Variants in DCLK1 observed in about 807,000 individuals in gnomAD.
DCLK1 encodes serine/threonine-protein kinase DCLK1.
Under a neutral mutation model 86.2 loss-of-function variants are expected in DCLK1, and 16 were observed. The ratio of observed to expected loss-of-function variants is 0.19; its 90% confidence interval spans 0.13 to 0.28. The LOEUF is 0.28. DCLK1 is among the 10% of genes least tolerant of loss of function. The pLI is 1.00. For synonymous variants in DCLK1, 369 were observed against 370.5 expected, an observed-to-expected ratio of 1.00 and a Z score of 0.05; for missense variants, 590 against 940.2, an observed-to-expected ratio of 0.63 and a Z score of 4.87.
intron 6 of DCLK1, chr13:35,847,266 G>A (rs906187382): frequency 2.0e-6 from 2 of 985,134 alleles, no homozygotes; most frequent in Admixed American, 6.2e-5. Flanking sequence ...TGAGCAAACT[G>A]CTTTTTAATT....
At chr13:35,996,153 T>A (rs768945414) in intron 3 of DCLK1, among the ~76,000 whole-genome samples, 4 of 152,252 alleles carry the variant, frequency 2.6e-5, no homozygotes, top group African/African-American at 4.8e-5. Context: ...GGTTGCAAAC[T>A]CCTGACCTCA....
intron 1 of DCLK1, among the ~76,000 whole-genome samples, chr13:36,129,408 T>C (rs1233520155): frequency 6.6e-6 from 1 of 152,240 alleles, no homozygotes; most frequent in East Asian, 1.9e-4. Flanking sequence ...GCTACACCTT[T>C]TACTTCCCTT....
chr13:36,057,080 A>G (rs1883362898), intron 3 of DCLK1, among the ~76,000 whole-genome samples: 1 of 152,078 alleles, frequency 6.6e-6, no homozygotes, highest in South Asian at 2.1e-4. Flanking sequence ...ACACACATAC[A>G]TATGAAATAT....
chr13:35,942,557 T>A (rs1441759072), intron 4 of DCLK1, among the ~76,000 whole-genome samples: 1 of 152,226 alleles, frequency 6.6e-6, no homozygotes, highest in Non-Finnish European at 1.5e-5. Context: ...ACCTGTTCAC[T>A]CTCAGCAAAC....
intron 4 of DCLK1, among the ~76,000 whole-genome samples, chr13:35,946,434 T>C (rs1877384555): frequency 6.6e-6 from 1 of 152,248 alleles, no homozygotes; most frequent in Non-Finnish European, 1.5e-5. Flanking sequence ...CACTCCTGTG[T>C]AGAACAGGTG....
intron 3 of DCLK1, among the ~76,000 whole-genome samples, chr13:36,073,946 C>A (rs1415571871): frequency 6.6e-6 from 1 of 152,178 alleles, no homozygotes; most frequent in East Asian, 1.9e-4. Flanking sequence ...TCTATAAGAA[C>A]TATAATATCT....
At chr13:35,944,946 G>A (rs1255259555) in intron 4 of DCLK1, among the ~76,000 whole-genome samples, 6 of 152,166 alleles carry the variant, frequency 3.9e-5, no homozygotes, top group Non-Finnish European at 5.9e-5. Context: ...TTGTTACCCA[G>A]GCTGGAGTGC....
At chr13:35,832,980 G>C (rs775085093) in intron 8 of DCLK1, among the ~76,000 whole-genome samples, 5 of 152,210 alleles carry the variant, frequency 3.3e-5, no homozygotes, top group Non-Finnish European at 7.3e-5. Flanking sequence ...TCGCTTTGTT[G>C]AGGTTATTGA....
At position 35,921,328 on chromosome 13, in the gene DCLK1, C is replaced by A. The variant is rs76209988; in HGVS notation, c.823+26030G>T. ...AGTGTGTGTTCCCTGTACCTGAAAG[C>A]ATTCTTCTCTCATCCCACCTGCCCG... is the stretch of plus-strand genomic sequence containing the variant. On this transcript the variant is annotated intron_variant, in intron 4 of 16. Coordinates refer to ENST00000360631, the MANE Select transcript of DCLK1 (RefSeq NM_001330071.2). 2.8e-3 allele frequency among the ~76,000 whole-genome samples: 431 copies of A among 152,248 alleles called. 2 individuals carry two copies. Among genetic ancestry groups the A allele is most frequent in the East Asian group, 0.024 (123 of 5,168 alleles).
At chr13:36,102,477 T>C (rs1213734264) in intron 3 of DCLK1, among the ~76,000 whole-genome samples, 1 of 152,212 alleles carries the variant, frequency 6.6e-6, no homozygotes, top group East Asian at 1.9e-4. Context: ...AACAAAGCAC[T>C]ATCTTCTTTC....
At chr13:35,924,950 C>T (rs775132725) in intron 4 of DCLK1, among the ~76,000 whole-genome samples, 10 of 152,170 alleles carry the variant, frequency 6.6e-5, no homozygotes, top group Admixed American at 4.6e-4. Context: ...GTAGTTGCAA[C>T]AGAGACCATA....
intron 3 of DCLK1, among the ~76,000 whole-genome samples, chr13:35,952,223 C>G (rs1466984632): frequency 6.6e-6 from 1 of 152,050 alleles, no homozygotes; most frequent in Non-Finnish European, 1.5e-5. Context: ...CAGTATGTAC[C>G]TCCTAAGTTT....
At chr13:36,017,271 A>G (rs535861193) in intron 3 of DCLK1, among the ~76,000 whole-genome samples, 60 of 152,214 alleles carry the variant, frequency 3.9e-4, no homozygotes, top group Non-Finnish European at 6.5e-4. Flanking sequence ...CTCAGAAGGA[A>G]GTGATCATAT....
At chr13:36,032,955 C>T (rs1882345954) in intron 3 of DCLK1, among the ~76,000 whole-genome samples, 2 of 152,134 alleles carry the variant, frequency 1.3e-5, no homozygotes, top group Admixed American at 1.3e-4. Flanking sequence ...ACATCACCTT[C>T]TCTGTAAGGC....
chr13:35,981,943 C>T (rs549827921), intron 3 of DCLK1, among the ~76,000 whole-genome samples: 33 of 152,286 alleles, frequency 2.2e-4, no homozygotes, highest in East Asian at 9.7e-4. Flanking sequence ...CACATCCTTG[C>T]CAACACTTGT....
chr13:36,069,755 C>T (rs1379979837), intron 3 of DCLK1, among the ~76,000 whole-genome samples: 1 of 152,134 alleles, frequency 6.6e-6, no homozygotes, highest in Admixed American at 6.5e-5. Context: ...GTTTGGATGT[C>T]CCCCCATTAC....
chr13:35,969,405 G>T (rs1257590070), intron 3 of DCLK1, among the ~76,000 whole-genome samples: 5 of 152,168 alleles, frequency 3.3e-5, no homozygotes, highest in Non-Finnish European at 7.3e-5. Flanking sequence ...GGTAGAGATT[G>T]AAGTGAGGTA....
At chr13:36,024,325 T>C (rs1280836462) in intron 3 of DCLK1, among the ~76,000 whole-genome samples, 1 of 152,228 alleles carries the variant, frequency 6.6e-6, no homozygotes, top group Non-Finnish European at 1.5e-5. Context: ...CATGATCTTG[T>C]ATCTGGAAAA....
At chr13:35,991,614 T>C (rs185612961) in intron 3 of DCLK1, among the ~76,000 whole-genome samples, 1 of 152,316 alleles carries the variant, frequency 6.6e-6, no homozygotes, top group Non-Finnish European at 1.5e-5. Context: ...CAGTGAGCTG[T>C]GATCATACCA....
Sources: gnomAD v4.1 joint callset for allele counts (sites outside exome capture counted in the v4.1 genomes callset) on GRCh38, gnomAD v4.1.1 for gene constraint, MANE v1.5 for transcripts, NCBI Gene and HGNC (gene_info 2026-07-23, HGNC 2026-07-21) for gene names.